The following DNAH11 variants were observed in gnomAD, a reference collection of about 807,000 sequenced individuals.
DNAH11 encodes axonemal beta dynein heavy chain 11.
In DNAH11, 442 loss-of-function variants were observed where a neutral mutation model predicts 526.0. The ratio of observed to expected loss-of-function variants is 0.84; its 90% CI spans 0.78 to 0.91. The LOEUF is 0.91. DNAH11 is among the 40% of genes least tolerant of loss of function. The pLI is 0.00. For synonymous variants in DNAH11, 2,461 were observed against 1,935.9 expected (o/e 1.27, Z -7.12); for missense variants, 6,989 against 5,448.7 (o/e 1.28, Z -8.90).
chr7:21,745,910 G>C (rs1220554568), intron 51 of DNAH11, among the ~76,000 whole-genome samples: 1 of 152,186 alleles, frequency 6.6e-6, no homozygotes, highest in Non-Finnish European at 1.5e-5. Context: ...TCTAGACAGA[G>C]AGCAGATTGC....
intron 20 of DNAH11, among the ~76,000 whole-genome samples, chr7:21,614,182 G>A (rs181971159): frequency 4.6e-5 from 7 of 152,164 alleles, no homozygotes; most frequent in Non-Finnish European, 1.0e-4. Flanking sequence ...TTAAGTATAG[G>A]TATTTAAAGT....
rs770361540 is a variant in DNAH11 at position 21,698,219 on chromosome 7, G to T, written c.6180+6G>T. The T allele has an allele frequency of 6.2e-7, 1 of 1,612,540 alleles. No homozygotes were observed. The highest frequency in any genetic ancestry group is 1.3e-5 in the African/African-American group (1 of 74,820). ...AGGAGCTTCTCTCCAAGCAGGTGAG[G>T]GATCATTTGTTACGTTTTCTTGTTT... On this transcript the variant is annotated splice_donor_region_variant and intron_variant, in intron 36 of 81. Transcript: ENST00000409508.
rs1024266621 is a variant in DNAH11 at position 21,744,426 on chromosome 7, C to T, written c.8155-12C>T. 1 of 1,611,956 alleles carries T rather than the reference C, an allele frequency of 6.2e-7. No individual in the cohort carries two copies. The highest frequency in any genetic ancestry group is 8.5e-7 in the Non-Finnish European group (1 of 1,179,274). ...CTGAATTAAAGGTATTTTCCCCATT[C>T]TTGCCTTGTAGGGGATTTTATTTGC... is the stretch of plus-strand genomic sequence containing the variant. On this transcript the variant is annotated splice_polypyrimidine_tract_variant and intron_variant, in intron 49 of 81. Transcript: ENST00000409508.
chr7:21,618,094 C>G (rs1785867871), intron 23 of DNAH11: 1 of 188,926 alleles, frequency 5.3e-6, no homozygotes, highest in Non-Finnish European at 1.1e-5. Context: ...TTACTCATCT[C>G]TCCTCATTCT....
intron 28 of DNAH11, among the ~76,000 whole-genome samples, chr7:21,649,895 G>A (rs1291996667): frequency 1.3e-5 from 2 of 151,902 alleles, no homozygotes; most frequent in Admixed American, 1.3e-4. Flanking sequence ...CAAACTTCTG[G>A]CCTCAGGTGA....
chr7:21,550,098 C>T (rs934436417), intron 2 of DNAH11, among the ~76,000 whole-genome samples: 1 of 151,286 alleles, frequency 6.6e-6, no homozygotes, highest in African/African-American at 2.4e-5. Context: ...TGAAGGGTTC[C>T]TTAGGTGACC....
intron 25 of DNAH11, among the ~76,000 whole-genome samples, chr7:21,622,640 A>G (rs764375372): frequency 8.4e-4 from 128 of 152,318 alleles, no homozygotes; most frequent in Non-Finnish European, 1.5e-3. Flanking sequence ...ATGGAACAGA[A>G]CAGAGCCCTC....
intron 40 of DNAH11, among the ~76,000 whole-genome samples, chr7:21,708,261 T>G (rs1366836566): frequency 6.6e-6 from 1 of 152,216 alleles, no homozygotes; most frequent in Admixed American, 6.5e-5. Context: ...TGTGACAATC[T>G]GTTAAGATTT....
chr7:21,632,921 C>T (rs1028295417), intron 25 of DNAH11, among the ~76,000 whole-genome samples: 25 of 152,116 alleles, frequency 1.6e-4, no homozygotes, highest in African/African-American at 5.6e-4. Flanking sequence ...TAAAGACATA[C>T]CCAAGATTGG....
In DNAH11 at chr7:21,652,479, T is replaced by C. The variant is rs139792922; in HGVS notation, c.4945-3353T>C. Among the ~76,000 whole-genome samples the C allele has an allele frequency of 2.4e-3, 371 of 152,314 alleles. 1 individual carries two copies. The highest frequency in any genetic ancestry group is 8.5e-3 in the African/African-American group (355 of 41,570). Reference sequence around the variant, plus strand: ...AGGAGGCAATGCTATTCATATAACTTAAGTTTTCTGCAACGAAGACTGTTT... The same window carrying C: ...AGGAGGCAATGCTATTCATATAACTCAAGTTTTCTGCAACGAAGACTGTTT... On this transcript the variant is annotated intron_variant, in intron 28 of 81. Transcript: ENST00000409508.
chr7:21,816,386 T>C (rs2128000037), intron 63 of DNAH11, 81 bp from the exon 64 acceptor site: 2 of 1,175,172 alleles, frequency 1.7e-6, no homozygotes, highest in East Asian at 2.6e-5. Context: ...TACTTTCTCA[T>C]GACTTTGTTC....
intron 6 of DNAH11, among the ~76,000 whole-genome samples, chr7:21,565,812 C>A (rs1206688706): frequency 6.6e-6 from 1 of 152,188 alleles, no homozygotes; most frequent in Non-Finnish European, 1.5e-5. Context: ...TAGTTGCCTT[C>A]TGTTCTTTTG....
At chr7:21,635,810 T>G in intron 25 of DNAH11, 61 bp from the exon 26 acceptor site, 1 of 1,362,588 alleles carries the variant, frequency 7.3e-7, no homozygotes, top group Non-Finnish European at 1.0e-6. Context: ...AGTGCCTCCC[T>G]CATAGCACTC....
At chr7:21,807,317 G>C (rs945785073) in intron 62 of DNAH11, among the ~76,000 whole-genome samples, 1 of 152,122 alleles carries the variant, frequency 6.6e-6, no homozygotes, top group Non-Finnish European at 1.5e-5. Context: ...TGGGCAACAT[G>C]GTGAAGCCCC....
chr7:21,571,794 T>C lies in DNAH11; in HGVS notation c.1426-12T>C. 1 of 1,599,888 alleles carries C rather than the reference T, an allele frequency of 6.3e-7. No individual in the cohort carries two copies. The highest frequency in any genetic ancestry group is 8.5e-7 in the Non-Finnish European group (1 of 1,174,664). ...ATGTAGTGGAAAGGTCTTTACTGTG[T>C]TTTTTACAAAGGATATATTTGCCAC... On this transcript the variant is annotated splice_polypyrimidine_tract_variant and intron_variant, in intron 7 of 81. Transcript: ENST00000409508.
chr7:21,741,637 C>T (rs553525174), intron 48 of DNAH11, among the ~76,000 whole-genome samples: 4 of 152,306 alleles, frequency 2.6e-5, no homozygotes, highest in Admixed American at 2.6e-4. Context: ...CAACATGACC[C>T]TGCTTTATGT....
At chr7:21,558,663 T>G in intron 2 of DNAH11, 139 bp from the exon 3 acceptor site, 1 of 657,304 alleles carries the variant, frequency 1.5e-6, no homozygotes, top group Admixed American at 3.2e-5. Flanking sequence ...GGTCACTGAC[T>G]TTATCCTCTC....
intron 25 of DNAH11, among the ~76,000 whole-genome samples, chr7:21,623,419 G>A (rs1365279619): frequency 6.6e-6 from 1 of 152,182 alleles, no homozygotes; most frequent in Non-Finnish European, 1.5e-5. Flanking sequence ...ATTCCTCAGG[G>A]ATCTAGAACT....
At chr7:21,661,480 A>G (rs1300635102) in intron 30 of DNAH11, among the ~76,000 whole-genome samples, 2 of 151,746 alleles carry the variant, frequency 1.3e-5, no homozygotes, top group Non-Finnish European at 2.9e-5. Context: ...TTTTCCATTT[A>G]TCTTATGGCT....
Sources: allele counts gnomAD v4.1 joint callset (sites outside exome capture counted in the v4.1 genomes callset), GRCh38; gene constraint gnomAD v4.1.1; transcripts MANE v1.5; gene names NCBI Gene and HGNC (gene_info 2026-07-23, HGNC 2026-07-21).